Variants in HOMER2 observed in about 807,000 individuals in gnomAD.
HOMER2 encodes the protein homer protein homolog 2.
Under a neutral mutation model 47.0 loss-of-function variants are expected in HOMER2, and 27 were observed. The ratio of observed to expected loss-of-function variants is 0.57; its 90% CI spans 0.42 to 0.79. The LOEUF is 0.79. Ranked by LOEUF, HOMER2 falls within the 30% of genes least tolerant of loss-of-function variation. The pLI is 0.00. For synonymous variants in HOMER2, 161 were observed against 163.8 expected (o/e 0.98, Z 0.13); for missense variants, 443 against 435.0 (o/e 1.02, Z -0.16).
At chr15:82,840,660 T>G (rs1000120758) in exon 2 of HOMER2, 26 of 152,148 alleles carry the variant, frequency 1.7e-4, no homozygotes, top group African/African-American at 6.0e-4. Flanking sequence ...GATTGTGAAC[T>G]CCTGGGCTCA....
chr15:82,873,732 G>A (rs918017560), intron 3 of HOMER2, among the ~76,000 whole-genome samples: 1 of 152,252 alleles, frequency 6.6e-6, no homozygotes, highest in Admixed American at 6.5e-5. Flanking sequence ...GTGCCATCAG[G>A]CCATTTTGGA....
downstream of HOMER2, chr15:82,835,820 TC>T (rs1351247772): frequency 6.6e-6 from 1 of 152,166 alleles, no homozygotes; most frequent in Non-Finnish European, 1.5e-5. Flanking sequence ...CAGGCCTCCT[TC>T]CCCACCACAG....
chr15:82,963,828 G>T (rs923696072), intron 1 of HOMER2, among the ~76,000 whole-genome samples: 11 of 152,136 alleles, frequency 7.2e-5, no homozygotes, highest in African/African-American at 2.7e-4. Flanking sequence ...CCATGGGCCT[G>T]CTGCTTCTGC....
chr15:82,879,791 G>C (rs78849978), intron 2 of HOMER2, among the ~76,000 whole-genome samples: 1,604 of 152,214 alleles, frequency 0.011, 7 homozygotes, highest in Non-Finnish European at 0.016. Context: ...TTTCACAAAA[G>C]ATTTCTCTGT....
intron 1 of HOMER2, among the ~76,000 whole-genome samples, chr15:82,897,429 TATA>T (rs1373027561): frequency 6.6e-6 from 1 of 152,152 alleles, no homozygotes; most frequent in Non-Finnish European, 1.5e-5. Context: ...TCTCTCTTCC[TATA>T]ATAATAGCTG....
exon 2 of HOMER2, chr15:82,841,683 T>G (rs1250918473): frequency 1.3e-5 from 2 of 152,174 alleles, no homozygotes; most frequent in East Asian, 3.8e-4. Flanking sequence ...TACCCAGAAC[T>G]ATTACCCAAC....
intron 1 of HOMER2, among the ~76,000 whole-genome samples, chr15:82,898,681 C>T (rs560472126): frequency 6.6e-6 from 1 of 152,170 alleles, no homozygotes; most frequent in African/African-American, 2.4e-5. Flanking sequence ...GAAAACCACT[C>T]GGCAAAGAGG....
Position 82,860,353 on chromosome 15 carries a change from T to C in HOMER2, c.388-1218A>G, listed in dbSNP as rs116329193. On this transcript the variant is annotated intron_variant, in intron 4 of 8. Coordinates refer to ENST00000450735, the MANE Select transcript of HOMER2 (RefSeq NM_004839.4). Reference sequence around the variant, plus strand: ...TACGGATGAAATGAAACATCTGGCATTTGCTTTAAAATATGGTGGGGGGGA... The same window carrying C: ...TACGGATGAAATGAAACATCTGGCACTTGCTTTAAAATATGGTGGGGGGGA... Among the ~76,000 whole-genome samples the C allele has an allele frequency of 1.1e-3, 173 of 152,172 alleles. 2 individuals carry two copies. Among genetic ancestry groups the C allele is most frequent in the African/African-American group, 3.9e-3 (162 of 41,476 alleles).
intron 4 of HOMER2, among the ~76,000 whole-genome samples, chr15:82,863,763 C>G (rs993679788): frequency 2.6e-4 from 39 of 152,226 alleles, no homozygotes; most frequent in African/African-American, 9.4e-4. Context: ...ACCACTTCCA[C>G]CTGACCTCTG....
intron 4 of HOMER2, among the ~76,000 whole-genome samples, chr15:82,863,929 G>A (rs912286397): frequency 3.3e-5 from 5 of 152,174 alleles, no homozygotes. Flanking sequence ...TGTCTCTCCT[G>A]GGCCAGGATG....
chr15:82,872,799 G>A (rs2077485738), intron 3 of HOMER2, among the ~76,000 whole-genome samples: 1 of 152,188 alleles, frequency 6.6e-6, no homozygotes, highest in African/African-American at 2.4e-5. Context: ...GAGGTGGCCT[G>A]GATTTGACAT....
At position 82,863,980 on chromosome 15, in the gene HOMER2, T is replaced by C. The variant is rs572745534; in HGVS notation, c.387+187A>G. ...CACATCAACCATTTTCTGTCAGAAA[T>C]ACAGTACCACATCCTAAAAAATTCA... On this transcript the variant is annotated intron_variant, in intron 4 of 8. Transcript: ENST00000450735. Among the ~76,000 whole-genome samples the C allele has an allele frequency of 2.0e-5, 3 of 152,338 alleles. No individual in the cohort carries two copies. The East Asian group carries it at 5.8e-4, about 29-fold the overall frequency.
At chr15:82,845,169 T>C (rs981385368), downstream of HOMER2, 2 of 151,714 alleles carry the variant, frequency 1.3e-5, no homozygotes, top group East Asian at 3.9e-4. Flanking sequence ...ATATTTTTAA[T>C]TAAAAACGCT....
chr15:82,976,206 T>G (rs573797258), intron 1 of HOMER2, among the ~76,000 whole-genome samples: 5 of 152,154 alleles, frequency 3.3e-5, no homozygotes, highest in Admixed American at 1.3e-4. Context: ...CTCTTATTCT[T>G]CCTTTACCCT....
intron 2 of HOMER2, among the ~76,000 whole-genome samples, chr15:82,879,838 T>C (rs972234401): frequency 6.6e-6 from 1 of 152,174 alleles, no homozygotes; most frequent in Non-Finnish European, 1.5e-5. Flanking sequence ...TTACCTACAG[T>C]AGAACTTGCA....
At chr15:82,847,872 G>A (rs1299348782), downstream of HOMER2, among the ~76,000 whole-genome samples, 3 of 152,118 alleles carry the variant, frequency 2.0e-5, no homozygotes, top group African/African-American at 4.8e-5. Context: ...TCGGCTCTCT[G>A]GTCTCCTGGT....
chr15:82,846,949 G>A (rs983613581), downstream of HOMER2: 10 of 152,190 alleles, frequency 6.6e-5, no homozygotes, highest in African/African-American at 2.4e-4. Context: ...CCAAGTTTTA[G>A]TTGATCTTTT....
In HOMER2 at chr15:82,851,142, C is replaced by T. The variant is rs767516680; in HGVS notation, c.843+9G>A. 2.6e-5 allele frequency: 41 copies of T among 1,570,260 alleles called. No individual in the cohort carries two copies. Among genetic ancestry groups the T allele is most frequent in the African/African-American group, 2.2e-4 (16 of 74,150 alleles). ...TGAGCCAGGATGGCTGTGCCCCCAACCCACGTACCTCTAGCTTCTCAGAGA... is the reference window on the plus strand; with the variant it reads ...TGAGCCAGGATGGCTGTGCCCCCAATCCACGTACCTCTAGCTTCTCAGAGA... On this transcript the variant is annotated intron_variant, in intron 8 of 8. Coordinates refer to ENST00000450735, the MANE Select transcript of HOMER2 (RefSeq NM_004839.4).
At chr15:82,840,267 T>C (rs1567004288) in exon 2 of HOMER2, 1 of 151,940 alleles carries the variant, frequency 6.6e-6, no homozygotes, top group Non-Finnish European at 1.5e-5. Context: ...AATCATGAAA[T>C]AGTAAAACAG....
Sources: allele counts gnomAD v4.1 joint callset (sites outside exome capture counted in the v4.1 genomes callset), GRCh38; gene constraint gnomAD v4.1.1; transcripts MANE v1.5; gene names NCBI Gene and HGNC (gene_info 2026-07-23, HGNC 2026-07-21).